FBXO34: variants seen among roughly 807,000 people sequenced by gnomAD.
The protein encoded by FBXO34 is F-box only protein 34.
A neutral mutation model predicts 24.5 loss-of-function variants in FBXO34; 12 were observed. That is an observed-to-expected ratio of 0.49 (90% CI 0.31 to 0.79). FBXO34 has a LOEUF of 0.79. Among genes scored for constraint, FBXO34 ranks in the 30% least tolerant of loss-of-function variants. The probability of loss-of-function intolerance (pLI) is 0.04; values close to 1 mark genes in which losing one functional copy is unlikely to be tolerated. For missense variants in FBXO34, 823 were observed against 857.7 expected, an observed-to-expected ratio of 0.96 and a Z score of 0.51; for synonymous variants, 320 against 311.9, an observed-to-expected ratio of 1.03 and a Z score of -0.27.
intron 1 of FBXO34, among the ~76,000 whole-genome samples, chr14:55,287,698 G>T (rs998713299): frequency 6.6e-6 from 1 of 152,168 alleles, no homozygotes; most frequent in Admixed American, 6.5e-5. Flanking sequence ...AGGAAATGGG[G>T]CCTCTAGGGA....
rs61975432 is a variant in FBXO34, at chr14:55,300,915, T to A, written c.-11+29378T>A. Among the ~76,000 whole-genome samples the A allele has an allele frequency of 3.9e-3, 601 of 152,368 alleles. 4 individuals carry two copies. The highest frequency in any genetic ancestry group is 9.9e-3 in the Admixed American group (151 of 15,312). ...ATGAGCATACTAAATGTTCTTGTAATTCTGAATATACTAAGGTTATTCTTT... is the reference window on the plus strand; with the variant it reads ...ATGAGCATACTAAATGTTCTTGTAAATCTGAATATACTAAGGTTATTCTTT... On this transcript the variant is annotated intron_variant, in intron 1 of 1. Transcript: ENST00000313833.
chr14:55,371,717 C>T (rs371557593), downstream of FBXO34, among the ~76,000 whole-genome samples: 4 of 152,006 alleles, frequency 2.6e-5, no homozygotes, highest in Non-Finnish European at 4.4e-5. Flanking sequence ...GGCAGGAGAA[C>T]GGTGTGAACC....
At chr14:55,284,225 G>C (rs7155954) in intron 1 of FBXO34, among the ~76,000 whole-genome samples, 1 of 151,814 alleles carries the variant, frequency 6.6e-6, no homozygotes, top group Admixed American at 6.6e-5. Flanking sequence ...AAAAATTACA[G>C]TATATGGGTT....
the FBXO34 span, among the ~76,000 whole-genome samples, chr14:55,421,527 G>A: frequency 0.23 from 34,872 of 152,126 alleles, 6,740 homozygotes; most frequent in African/African-American, 0.54. Context: ...GCAGTGGCGC[G>A]AACTTGGCTC....
chr14:55,390,826 T>C, the FBXO34 span: 1 of 948,572 alleles, frequency 1.1e-6, no homozygotes, highest in South Asian at 1.5e-5. Flanking sequence ...ATCCCCTTCC[T>C]TTCTGTGTCC....
chr14:55,441,303 C>T, the FBXO34 span, among the ~76,000 whole-genome samples: 2 of 152,148 alleles, frequency 1.3e-5, no homozygotes, highest in Non-Finnish European at 2.9e-5. Flanking sequence ...GCCACCACGC[C>T]TGGCTAATTT....
At chr14:55,425,951 T>C in the FBXO34 span, among the ~76,000 whole-genome samples, 2 of 152,200 alleles carry the variant, frequency 1.3e-5, no homozygotes, top group African/African-American at 4.8e-5. Flanking sequence ...CAAGTATTTA[T>C]ATCAGGATAC....
the FBXO34 span, among the ~76,000 whole-genome samples, chr14:55,412,054 G>A: frequency 2.0e-5 from 3 of 152,248 alleles, no homozygotes; most frequent in Non-Finnish European, 4.4e-5. Context: ...CAAACAAAAT[G>A]TCATCTGCTG....
At chr14:55,283,184 T>C (rs1480979618) in intron 1 of FBXO34, among the ~76,000 whole-genome samples, 1 of 152,350 alleles carries the variant, frequency 6.6e-6, no homozygotes, top group Admixed American at 6.5e-5. Context: ...AGGGAGGGCC[T>C]TAAGAGCTTT....
At chr14:55,365,039 TGAA>T (rs1187109270), downstream of FBXO34, among the ~76,000 whole-genome samples, 2 of 137,388 alleles carry the variant, frequency 1.5e-5, no homozygotes, top group African/African-American at 5.6e-5. Context: ...GCTAATGTGG[TGAA>T]ACCCCATCTC....
chr14:55,314,032 C>T (rs1882843792), intron 1 of FBXO34, among the ~76,000 whole-genome samples: 1 of 152,110 alleles, frequency 6.6e-6, no homozygotes, highest in African/African-American at 2.4e-5. Context: ...GCCTCACAGG[C>T]AGCTAAGACC....
intron 1 of FBXO34, chr14:55,298,959 G>A: frequency 1.9e-6 from 3 of 1,591,762 alleles, no homozygotes; most frequent in South Asian, 2.2e-5. Context: ...GGCCAAGAAG[G>A]CGGCCCACGA....
At chr14:55,336,824 T>TAA (rs10649185) in intron 1 of FBXO34, among the ~76,000 whole-genome samples, 43,699 of 142,324 alleles carry the variant, frequency 0.31, 6,660 homozygotes, top group Non-Finnish European at 0.34. Context: ...CCCAGAAATG[T>TAA]AAAAAAAAAA....
At chr14:55,305,702 G>T (rs1382890547) in intron 1 of FBXO34, among the ~76,000 whole-genome samples, 3 of 151,534 alleles carry the variant, frequency 2.0e-5, no homozygotes, top group Non-Finnish European at 4.4e-5. Context: ...CTCTACAACA[G>T]GAGTCGTACA....
chr14:55,321,656 C>G (rs1177327751), intron 1 of FBXO34, among the ~76,000 whole-genome samples: 1 of 152,176 alleles, frequency 6.6e-6, no homozygotes, highest in Non-Finnish European at 1.5e-5. Flanking sequence ...CTCAGCCTCC[C>G]AAAGTGTTGG....
At chr14:55,364,911 A>T (rs1247893837), downstream of FBXO34, among the ~76,000 whole-genome samples, 1 of 151,298 alleles carries the variant, frequency 6.6e-6, no homozygotes, top group Non-Finnish European at 1.5e-5. Flanking sequence ...TAATTTTTCA[A>T]TTTTTGTAGA....
the FBXO34 span, chr14:55,440,460 C>G: frequency 6.2e-7 from 1 of 1,612,850 alleles, no homozygotes; most frequent in African/African-American, 1.3e-5. Flanking sequence ...GGACCGTAAT[C>G]CCACTGTTGG....
the FBXO34 span, among the ~76,000 whole-genome samples, chr14:55,432,970 C>T: frequency 6.6e-6 from 1 of 152,150 alleles, no homozygotes; most frequent in Non-Finnish European, 1.5e-5. Context: ...CATTTATCTG[C>T]AATGAGGAAA....
At chr14:55,423,545 G>T in the FBXO34 span, among the ~76,000 whole-genome samples, 9 of 152,336 alleles carry the variant, frequency 5.9e-5, no homozygotes, top group South Asian at 1.7e-3. Flanking sequence ...GTTCAGCAAA[G>T]GTAGGTCTGC....
Sources: gnomAD v4.1 joint callset for allele counts (sites outside exome capture counted in the v4.1 genomes callset) on GRCh38, gnomAD v4.1.1 for gene constraint, MANE v1.5 for transcripts, NCBI Gene and HGNC (gene_info 2026-07-23, HGNC 2026-07-21) for gene names.